NFIB: variants seen among roughly 807,000 people sequenced by gnomAD.
NFIB encodes the protein nuclear factor I B, also known as nuclear factor 1 B-type.
A neutral mutation model predicts 61.5 loss-of-function variants in NFIB; 11 were observed. That is an observed-to-expected ratio of 0.18 (90% CI 0.11 to 0.30). NFIB has a LOEUF of 0.30. Among genes scored for constraint, NFIB ranks in the 10% least tolerant of loss-of-function variants. The pLI is 1.00. For missense variants in NFIB, 471 were observed against 608.9 expected (o/e 0.77, Z 2.38); for synonymous variants, 260 against 216.5 (o/e 1.20, Z -1.76).
chr9:14,470,873 C>T, the NFIB span, among the ~76,000 whole-genome samples: 1 of 152,146 alleles, frequency 6.6e-6, no homozygotes, highest in Non-Finnish European at 1.5e-5. Flanking sequence ...TCAGTTTCCT[C>T]ATCTGTCAAG....
the NFIB span, among the ~76,000 whole-genome samples, chr9:14,527,585 G>C: frequency 1.3e-5 from 2 of 152,146 alleles, no homozygotes; most frequent in Admixed American, 1.3e-4. Flanking sequence ...TGTGACATGG[G>C]TTTGATTCCA....
At chr9:14,504,597 T>C in the NFIB span, among the ~76,000 whole-genome samples, 1 of 152,196 alleles carries the variant, frequency 6.6e-6, no homozygotes, top group African/African-American at 2.4e-5. Context: ...GCAGCTATTA[T>C]TAAAGGGGTT....
the NFIB span, among the ~76,000 whole-genome samples, chr9:14,430,717 G>C: frequency 6.6e-6 from 1 of 152,150 alleles, no homozygotes. Flanking sequence ...AAGTAGCTGG[G>C]ATGACAGGCA....
At chr9:14,427,208 T>C in the NFIB span, among the ~76,000 whole-genome samples, 1 of 152,204 alleles carries the variant, frequency 6.6e-6, no homozygotes, top group Non-Finnish European at 1.5e-5. Flanking sequence ...GCAAAGATAA[T>C]ACATTGTTCA....
At chr9:14,485,693 G>A in the NFIB span, among the ~76,000 whole-genome samples, 1 of 152,098 alleles carries the variant, frequency 6.6e-6, no homozygotes, top group Non-Finnish European at 1.5e-5. Flanking sequence ...TGGCTAACAT[G>A]CTGAAACCCC....
At chr9:14,520,294 C>T in the NFIB span, among the ~76,000 whole-genome samples, 2 of 152,166 alleles carry the variant, frequency 1.3e-5, no homozygotes, top group African/African-American at 4.8e-5. Flanking sequence ...TTTCCAATTT[C>T]ATTCCATGAC....
chr9:14,325,407 T>G (rs958644581), intron 1 of NFIB, among the ~76,000 whole-genome samples: 1 of 152,184 alleles, frequency 6.6e-6, no homozygotes, highest in African/African-American at 2.4e-5. Context: ...TAATGCAGTT[T>G]CTGTATGTTG....
chr9:14,161,580 G>A (rs914716606), intron 3 of NFIB, among the ~76,000 whole-genome samples: 3 of 151,090 alleles, frequency 2.0e-5, no homozygotes, highest in Non-Finnish European at 4.4e-5. Flanking sequence ...TATTAACATT[G>A]TATCTGTCCT....
intron 1 of NFIB, among the ~76,000 whole-genome samples, chr9:14,387,506 A>G (rs1200643302): frequency 6.6e-6 from 1 of 152,246 alleles, no homozygotes; most frequent in Non-Finnish European, 1.5e-5. Flanking sequence ...ACAGTCATTA[A>G]AAATCAGTGA....
intron 2 of NFIB, among the ~76,000 whole-genome samples, chr9:14,216,526 CTCTCTCTCTCTCTCTCCCTCTGTGTG>C (rs1332305828): frequency 1.7e-3 from 89 of 52,546 alleles, no homozygotes; most frequent in African/African-American, 4.1e-3. Context: ...CTCTCTCTCT[CTCTCTCTCTCTCTCTCCCTCTGTGTG>C]TGTGTGTGTG....
the NFIB span, among the ~76,000 whole-genome samples, chr9:14,460,132 C>A: frequency 6.6e-6 from 1 of 152,000 alleles, no homozygotes; most frequent in Non-Finnish European, 1.5e-5. Flanking sequence ...TGTCCAGCAA[C>A]GATAGACTGG....
At chr9:14,108,568 A>G (rs2036898555) in intron 10 of NFIB, among the ~76,000 whole-genome samples, 1 of 152,116 alleles carries the variant, frequency 6.6e-6, no homozygotes, top group Non-Finnish European at 1.5e-5. Flanking sequence ...TTGAAATTCA[A>G]ATAATAGCAT....
chr9:14,195,091 G>A (rs1410388850), intron 2 of NFIB, among the ~76,000 whole-genome samples: 2 of 151,992 alleles, frequency 1.3e-5, no homozygotes, highest in African/African-American at 2.4e-5. Flanking sequence ...ATGCTAACTG[G>A]GGTGGTTATG....
intron 10 of NFIB, among the ~76,000 whole-genome samples, chr9:14,095,509 T>C (rs998597010): frequency 2.2e-4 from 34 of 152,132 alleles, no homozygotes; most frequent in African/African-American, 8.2e-4. Context: ...TTTTCAATGC[T>C]ATTGTTAAAA....
chr9:14,439,752 G>A, the NFIB span, among the ~76,000 whole-genome samples: 2 of 152,158 alleles, frequency 1.3e-5, no homozygotes, highest in Non-Finnish European at 2.9e-5. Context: ...CGGACAGGTG[G>A]TTCCAATTCC....
chr9:14,267,717 A>G (rs931871710), intron 2 of NFIB, among the ~76,000 whole-genome samples: 2 of 152,254 alleles, frequency 1.3e-5, no homozygotes, highest in African/African-American at 4.8e-5. Context: ...CTGAGGGCAG[A>G]GACCATGTCT....
chr9:14,347,937 G>C (rs552180308), intron 1 of NFIB, among the ~76,000 whole-genome samples: 3 of 152,170 alleles, frequency 2.0e-5, no homozygotes, highest in African/African-American at 7.2e-5. Context: ...GTTTCGCGTC[G>C]CACGCGGTGT....
intron 1 of NFIB, among the ~76,000 whole-genome samples, chr9:14,376,756 G>T (rs1393969392): frequency 6.6e-6 from 1 of 151,986 alleles, no homozygotes; most frequent in Non-Finnish European, 1.5e-5. Context: ...GACCTCAGGT[G>T]ATCCGCTCAC....
intron 2 of NFIB, among the ~76,000 whole-genome samples, chr9:14,254,687 G>A (rs958428514): frequency 2.0e-5 from 3 of 152,276 alleles, no homozygotes; most frequent in East Asian, 3.9e-4. Context: ...AGGTTCCTGA[G>A]ATAAATAATT....
Sources: gnomAD v4.1 joint callset for allele counts (sites outside exome capture counted in the v4.1 genomes callset) on GRCh38, gnomAD v4.1.1 for gene constraint, MANE v1.5 for transcripts, NCBI Gene and HGNC (gene_info 2026-07-23, HGNC 2026-07-21) for gene names.